The following IFT56 variants were observed in gnomAD, a reference collection of about 807,000 sequenced individuals.
IFT56 encodes intraflagellar transport protein 56.
At chr7:139,154,824 A>C in the IFT56 span, among the ~76,000 whole-genome samples, 3 of 152,134 alleles carry the variant, frequency 2.0e-5, no homozygotes, top group African/African-American at 7.2e-5. Flanking sequence ...GATCTGTTGC[A>C]ATTCAATATG....
At chr7:139,178,526 T>C in the IFT56 span, 1 of 1,614,112 alleles carries the variant, frequency 6.2e-7, no homozygotes, top group South Asian at 1.1e-5. Flanking sequence ...GTTACTTCTA[T>C]AATGATGACA....
the IFT56 span, among the ~76,000 whole-genome samples, chr7:139,139,228 G>C: frequency 6.6e-6 from 1 of 152,184 alleles, no homozygotes; most frequent in Non-Finnish European, 1.5e-5. Flanking sequence ...AAGAACAAAG[G>C]AACAAAGTTG....
At chr7:139,157,139 CTTTTTT>C in the IFT56 span, among the ~76,000 whole-genome samples, 38 of 82,146 alleles carry the variant, frequency 4.6e-4, no homozygotes, top group East Asian at 6.8e-4. Context: ...TCTTTAATTT[CTTTTTT>C]TTTTTTTTTT....
the IFT56 span, among the ~76,000 whole-genome samples, chr7:139,162,295 G>A: frequency 6.6e-6 from 1 of 152,090 alleles, no homozygotes; most frequent in Non-Finnish European, 1.5e-5. Context: ...CCAGCTATCA[G>A]TATTTTTTTT....
At chr7:139,146,766 CAAAAAAAAAAA>C in the IFT56 span, among the ~76,000 whole-genome samples, 2 of 88,738 alleles carry the variant, frequency 2.3e-5, no homozygotes, top group Non-Finnish European at 5.4e-5. Flanking sequence ...GACTCCGTTT[CAAAAAAAAAAA>C]AAAAAAAGAA....
the IFT56 span, chr7:139,133,880 A>G: frequency 6.2e-7 from 1 of 1,614,182 alleles, no homozygotes; most frequent in Non-Finnish European, 8.5e-7. Context: ...TCTGAATAGT[A>G]AGGGAGTACT....
chr7:139,147,201 A>G, the IFT56 span: 1 of 1,613,586 alleles, frequency 6.2e-7, no homozygotes, highest in Non-Finnish European at 8.5e-7. Flanking sequence ...ATGTCACAGA[A>G]GATCAACTCA....
At chr7:139,187,522 A>G in the IFT56 span, 5 of 1,614,194 alleles carry the variant, frequency 3.1e-6, no homozygotes, top group Non-Finnish European at 4.2e-6. Flanking sequence ...AGATGATCAT[A>G]GCTGGGAGAG....
At chr7:139,172,340 C>G in the IFT56 span, among the ~76,000 whole-genome samples, 60 of 152,212 alleles carry the variant, frequency 3.9e-4, no homozygotes, top group East Asian at 0.011. Context: ...GGAAACAATT[C>G]CTAACAGAAT....
the IFT56 span, among the ~76,000 whole-genome samples, chr7:139,185,653 A>G: frequency 6.6e-6 from 1 of 152,126 alleles, no homozygotes; most frequent in Middle Eastern, 3.4e-3. Context: ...ACCTCTGGGT[A>G]TGGAAAGAGA....
chr7:139,178,558 A>G, the IFT56 span: 1 of 1,614,206 alleles, frequency 6.2e-7, no homozygotes. Context: ...AATTATGCCC[A>G]AGCCAAAGCT....
the IFT56 span, among the ~76,000 whole-genome samples, chr7:139,184,066 G>A: frequency 5.3e-4 from 81 of 152,148 alleles, no homozygotes; most frequent in East Asian, 0.012. Flanking sequence ...GAAAACCTAC[G>A]TGCTCCCTTC....
At chr7:139,189,492 C>A in the IFT56 span, 1 of 1,184,844 alleles carries the variant, frequency 8.4e-7, no homozygotes, top group Non-Finnish European at 1.2e-6. Context: ...AAATCATTTT[C>A]ACTCCAGTTT....
chr7:139,189,062 A>C, the IFT56 span, among the ~76,000 whole-genome samples: 1 of 152,238 alleles, frequency 6.6e-6, no homozygotes, highest in African/African-American at 2.4e-5. Context: ...AAAGATTATC[A>C]GTATGTATAT....
the IFT56 span, among the ~76,000 whole-genome samples, chr7:139,138,316 T>C: frequency 8.5e-5 from 13 of 152,178 alleles, no homozygotes; most frequent in Non-Finnish European, 1.8e-4. Context: ...TTTATTACCA[T>C]ATAGTGTTAT....
At chr7:139,188,594 T>C in the IFT56 span, among the ~76,000 whole-genome samples, 1 of 152,208 alleles carries the variant, frequency 6.6e-6, no homozygotes, top group African/African-American at 2.4e-5. Context: ...TTTGGTTAGG[T>C]GAAAGAGGTT....
chr7:139,136,236 C>CT, the IFT56 span, among the ~76,000 whole-genome samples: 1 of 151,968 alleles, frequency 6.6e-6, no homozygotes, highest in Non-Finnish European at 1.5e-5. Flanking sequence ...AGTTTGCCTT[C>CT]TTACTAAGTA....
the IFT56 span, chr7:139,178,458 A>T: frequency 2.6e-6 from 4 of 1,519,660 alleles, no homozygotes; most frequent in African/African-American, 1.4e-5. Context: ...GGTATAACTG[A>T]TGGTTATATT....
At chr7:139,172,724 C>A in the IFT56 span, 1 of 627,394 alleles carries the variant, frequency 1.6e-6, no homozygotes, top group East Asian at 4.1e-5. Context: ...ATGTTATACC[C>A]CATAAATGTA....
Sources: gnomAD v4.1 joint callset for allele counts (sites outside exome capture counted in the v4.1 genomes callset) on GRCh38, gnomAD v4.1.1 for gene constraint, MANE v1.5 for transcripts, NCBI Gene and HGNC (gene_info 2026-07-23, HGNC 2026-07-21) for gene names.